Variants in MORN1 observed in about 807,000 individuals in gnomAD.
MORN1 encodes the protein MORN repeat containing 1, also known as MORN repeat-containing protein 1.
Under a neutral mutation model 61.9 loss-of-function variants are expected in MORN1, and 67 were observed. The ratio of observed to expected loss-of-function variants is 1.08; its 90% CI spans 0.89 to 1.33. The LOEUF (loss-of-function observed/expected upper bound fraction) is 1.33, where lower values mean the gene tolerates loss of function less well. Ranked by LOEUF, MORN1 falls within the 40% of genes most tolerant of loss-of-function variation. The probability of loss-of-function intolerance (pLI) is 0.00; values close to 1 mark genes in which losing one functional copy is unlikely to be tolerated. For synonymous variants in MORN1, 301 were observed against 292.0 expected (o/e 1.03, Z -0.31); for missense variants, 752 against 691.2 (o/e 1.09, Z -0.99).
At chr1:2,336,619 C>T (rs762978189) in intron 11 of MORN1, 71 bp from the exon 12 acceptor site, 298 of 1,591,000 alleles carry the variant, frequency 1.9e-4, no homozygotes, top group Non-Finnish European at 2.3e-4. Flanking sequence ...CTGCTCCAAC[C>T]CCCCTGGGGC....
At chr1:2,390,668 C>G in intron 1 of MORN1, 1 of 985,190 alleles carries the variant, frequency 1.0e-6, no homozygotes, top group Non-Finnish European at 1.2e-6. Context: ...GGGTCAGGTT[C>G]TACCTGAAGA....
intron 10 of MORN1, among the ~76,000 whole-genome samples, chr1:2,339,905 C>A (rs926437283): frequency 1.3e-5 from 2 of 152,250 alleles, no homozygotes; most frequent in African/African-American, 2.4e-5. Flanking sequence ...GGCTGCTCCC[C>A]GTGGAGCACG....
At chr1:2,353,192 G>T (rs1641688313) in intron 10 of MORN1, among the ~76,000 whole-genome samples, 1 of 152,252 alleles carries the variant, frequency 6.6e-6, no homozygotes, top group African/African-American at 2.4e-5. Context: ...TGTGAGCAAG[G>T]GACTTCGGTT....
chr1:2,338,079 G>C lies in MORN1; in HGVS notation c.1037-1229C>G, dbSNP rs75520136. Among the ~76,000 whole-genome samples, 407 of 152,284 alleles carry C rather than the reference G, an allele frequency of 2.7e-3. 2 individuals carry two copies. Among genetic ancestry groups the C allele is most frequent in the African/African-American group, 9.1e-3 (379 of 41,560 alleles). ...ATGGGGCCCCGGGGCAGCCCCCTCTGTGGGGCTCTGAGTGAGTGGAGGGGC... is the reference window on the plus strand; with the variant it reads ...ATGGGGCCCCGGGGCAGCCCCCTCTCTGGGGCTCTGAGTGAGTGGAGGGGC... On this transcript the variant is annotated intron_variant, in intron 10 of 13. Transcript: ENST00000378531.
chr1:2,360,323 T>C (rs1001247782), intron 8 of MORN1, among the ~76,000 whole-genome samples: 3 of 152,180 alleles, frequency 2.0e-5, no homozygotes, highest in Non-Finnish European at 2.9e-5. Flanking sequence ...CTGGGATCGA[T>C]TGACACCCCT....
intron 12 of MORN1, among the ~76,000 whole-genome samples, chr1:2,327,777 C>A (rs1641068753): frequency 6.6e-6 from 1 of 152,272 alleles, no homozygotes. Context: ...CCGGCTCCCT[C>A]CTCTTGCCTG....
intron 12 of MORN1, among the ~76,000 whole-genome samples, chr1:2,333,435 C>T (rs897514113): frequency 2.6e-5 from 4 of 152,228 alleles, no homozygotes; most frequent in African/African-American, 9.6e-5. Context: ...AGTGAGTGGC[C>T]TCGGGCCTGG....
chr1:2,366,565 C>T (rs1641999781), intron 8 of MORN1, among the ~76,000 whole-genome samples: 1 of 151,982 alleles, frequency 6.6e-6, no homozygotes, highest in South Asian at 2.1e-4. Context: ...GCTCTGTCAC[C>T]CAGGCTGTAG....
At chr1:2,322,638 G>A in intron 13 of MORN1, 2 of 985,416 alleles carry the variant, frequency 2.0e-6, no homozygotes, top group Middle Eastern at 5.2e-4. Context: ...ACAGCACCGG[G>A]CACCGGGGAC....
Position 2,337,524 on chromosome 1 carries a change from T to C in MORN1, c.1037-674A>G, listed in dbSNP as rs1641306601. On this transcript the variant is annotated intron_variant, in intron 10 of 13. Transcript: ENST00000378531. This position sits in a 1 kb window ranked among gnomAD's most constrained non-coding sequence, Gnocchi z 5.7. ...GTCCCAGGGTGCGAGGTATGGGGGCTCCCCTCTGGCTTCCCCCACGCACAG... is the reference window on the plus strand; with the variant it reads ...GTCCCAGGGTGCGAGGTATGGGGGCCCCCCTCTGGCTTCCCCCACGCACAG... Among the ~76,000 whole-genome samples, 1 of 152,038 alleles carries C rather than the reference T, an allele frequency of 6.6e-6. No individual in the cohort carries two copies. The highest frequency in any genetic ancestry group is 2.1e-4 in the South Asian group (1 of 4,824).
chr1:2,339,269 C>T (rs983329103), intron 10 of MORN1, among the ~76,000 whole-genome samples: 1 of 152,224 alleles, frequency 6.6e-6, no homozygotes, highest in Non-Finnish European at 1.5e-5. Context: ...CTGGATGTCA[C>T]CTCCCCCTCC....
rs537328035 is a variant in MORN1 at position 2,328,499 on chromosome 1, A to G, written c.1251-4356T>C. The stretch of plus-strand genomic sequence containing the variant: ...CAGTGAGGCAAGAGTCAAGGAAGAC[A>G]CAATCAGGAGGAACCTGTCACCTGG... On this transcript the variant is annotated intron_variant, in intron 12 of 13. Coordinates refer to ENST00000378531, the MANE Select transcript of MORN1 (RefSeq NM_024848.3). Among the ~76,000 whole-genome samples, 47 of 152,310 alleles carry G rather than the reference A, an allele frequency of 3.1e-4. 1 individual carries two copies. The South Asian group carries it at 9.3e-3, about 30-fold the overall frequency.
At chr1:2,390,743 A>G in intron 1 of MORN1, 1 of 983,386 alleles carries the variant, frequency 1.0e-6, no homozygotes, top group South Asian at 4.7e-5. Context: ...GTTCCTATCA[A>G]AACCTGCTCT....
At chr1:2,380,179 A>C (rs1168857100) in intron 6 of MORN1, among the ~76,000 whole-genome samples, 1 of 151,976 alleles carries the variant, frequency 6.6e-6, no homozygotes, top group Non-Finnish European at 1.5e-5. Flanking sequence ...AGATCAGCAG[A>C]GTCTACAAAC....
intron 2 of MORN1, 99 bp from the exon 3 acceptor site, chr1:2,388,436 G>T: frequency 1.1e-6 from 1 of 908,640 alleles, no homozygotes; most frequent in Non-Finnish European, 1.8e-6. Context: ...CAAGAGCTTG[G>T]CTTCAAAACT....
At chr1:2,344,943 G>T (rs1641479184) in intron 10 of MORN1, among the ~76,000 whole-genome samples, 1 of 152,204 alleles carries the variant, frequency 6.6e-6, no homozygotes, top group Non-Finnish European at 1.5e-5. Context: ...GAGGGTCCAC[G>T]CATGCTCACA....
chr1:2,385,224 A>G lies in MORN1; in HGVS notation c.450-159T>C, dbSNP rs1398625530. The G allele has an allele frequency of 5.7e-6, 4 of 703,998 alleles. No individual in the cohort carries two copies. In the Admixed American group the frequency reaches 8.4e-5, roughly 15 times the overall value. 43.6% of individuals were successfully genotyped at this position (703,998 alleles called of 1,614,324 possible). ...CAAGAGCTCCTGCCTCGCCAGGGCC[A>G]GCTGGGGGCCGACGACAGGCGGTGG... On this transcript the variant is annotated intron_variant, in intron 5 of 13. Coordinates refer to ENST00000378531, the MANE Select transcript of MORN1 (RefSeq NM_024848.3).
intron 8 of MORN1, among the ~76,000 whole-genome samples, chr1:2,362,582 G>A (rs1285761573): frequency 1.3e-5 from 2 of 152,320 alleles, no homozygotes; most frequent in South Asian, 2.1e-4. Context: ...GGGAGAGGCT[G>A]TGCCAGAAAG....
At chr1:2,384,077 A>C (rs1480217850) in intron 6 of MORN1, among the ~76,000 whole-genome samples, 1 of 151,838 alleles carries the variant, frequency 6.6e-6, no homozygotes, top group Non-Finnish European at 1.5e-5. Context: ...CGTTTTTCCC[A>C]TTGGAGTGAT....
Sources: allele counts gnomAD v4.1 joint callset (sites outside exome capture counted in the v4.1 genomes callset), GRCh38; gene constraint gnomAD v4.1.1; non-coding constraint Gnocchi (gnomAD v3.1); transcripts MANE v1.5; gene names NCBI Gene and HGNC (gene_info 2026-07-23, HGNC 2026-07-21).